TMEM38B: variants seen among roughly 807,000 people sequenced by gnomAD.
The protein encoded by TMEM38B is transmembrane protein 38B.
Under a neutral mutation model 28.7 loss-of-function variants are expected in TMEM38B, and 24 were observed. The ratio of observed to expected loss-of-function variants is 0.84; its 90% CI spans 0.61 to 1.18. TMEM38B has a LOEUF of 1.18. Among genes scored for constraint, TMEM38B ranks in the 50% most tolerant of loss-of-function variants. TMEM38B has a pLI of 0.00. For missense variants in TMEM38B, 380 were observed against 350.9 expected (o/e 1.08, Z -0.66); for synonymous variants, 131 against 127.7 (o/e 1.03, Z -0.17).
At chr9:105,696,456 G>A (rs1253138232) in intron 1 of TMEM38B, among the ~76,000 whole-genome samples, 3 of 152,096 alleles carry the variant, frequency 2.0e-5, no homozygotes, top group Admixed American at 6.5e-5. Context: ...GCTAATTTTT[G>A]TATTTTTAGT....
At chr9:105,754,206 C>T (rs1461442342) in intron 5 of TMEM38B, among the ~76,000 whole-genome samples, 1 of 152,088 alleles carries the variant, frequency 6.6e-6, no homozygotes, top group Non-Finnish European at 1.5e-5. Context: ...CTTTAACACC[C>T]TACTGACAAT....
chr9:105,748,954 G>C, intron 5 of TMEM38B: 1 of 672,254 alleles, frequency 1.5e-6, no homozygotes, highest in Non-Finnish European at 2.2e-6. Context: ...CTCTGTTTTA[G>C]ACTAGATATT....
intron 5 of TMEM38B, among the ~76,000 whole-genome samples, chr9:105,773,010 G>A (rs1826607054): frequency 6.6e-6 from 1 of 152,000 alleles, no homozygotes; most frequent in African/African-American, 2.4e-5. Flanking sequence ...GTTATGTAGG[G>A]GTCTTCTTTG....
At chr9:105,736,005 T>C (rs1836959712) in intron 4 of TMEM38B, among the ~76,000 whole-genome samples, 1 of 152,080 alleles carries the variant, frequency 6.6e-6, no homozygotes, top group Non-Finnish European at 1.5e-5. Context: ...AAATAGCTGG[T>C]ATTTAGAGAT....
At chr9:105,710,365 A>G (rs1380449496) in intron 2 of TMEM38B, 5 of 761,558 alleles carry the variant, frequency 6.6e-6, no homozygotes, top group African/African-American at 1.7e-5. Context: ...ATGATCTTCT[A>G]TAGTTGTTAT....
chr9:105,746,008 G>A (rs1184632864), intron 4 of TMEM38B, among the ~76,000 whole-genome samples: 2 of 152,126 alleles, frequency 1.3e-5, no homozygotes, highest in Non-Finnish European at 2.9e-5. Flanking sequence ...TTGAAGTCAG[G>A]TAGCATGATG....
chr9:105,733,243 A>G (rs1316596988), intron 4 of TMEM38B, among the ~76,000 whole-genome samples: 2 of 152,126 alleles, frequency 1.3e-5, no homozygotes, highest in South Asian at 2.1e-4. Context: ...GTAGCTATCT[A>G]TTAGGTCTGC....
At chr9:105,740,260 GTTTTT>G (rs35669330) in intron 4 of TMEM38B, among the ~76,000 whole-genome samples, 3 of 111,420 alleles carry the variant, frequency 2.7e-5, no homozygotes, top group Non-Finnish European at 3.9e-5. Flanking sequence ...ATTCCTAGGT[GTTTTT>G]TTTTTTTTTT....
chr9:105,723,053 G>A (rs1836379175), intron 4 of TMEM38B, among the ~76,000 whole-genome samples: 1 of 152,060 alleles, frequency 6.6e-6, no homozygotes, highest in African/African-American at 2.4e-5. Context: ...TAAGTTTATG[G>A]GATCAAATCA....
At chr9:105,702,603 A>G (rs1835497695) in intron 1 of TMEM38B, 3 of 152,186 alleles carry the variant, frequency 2.0e-5, no homozygotes, top group Admixed American at 2.0e-4. Flanking sequence ...TGTAGATGTG[A>G]TTTTAAATGT....
intron 5 of TMEM38B, among the ~76,000 whole-genome samples, chr9:105,755,958 T>G (rs1010471812): frequency 6.6e-6 from 1 of 152,170 alleles, no homozygotes; most frequent in Non-Finnish European, 1.5e-5. Context: ...TGGCTGAGCA[T>G]GGTGGATCAT....
intron 4 of TMEM38B, among the ~76,000 whole-genome samples, chr9:105,728,835 A>G (rs759048338): frequency 2.6e-5 from 4 of 152,190 alleles, no homozygotes; most frequent in Non-Finnish European, 5.9e-5. Context: ...ACCAGTGATA[A>G]TGAACATTTT....
chr9:105,747,253 A>C (rs1588449963), intron 4 of TMEM38B, among the ~76,000 whole-genome samples: 3 of 152,180 alleles, frequency 2.0e-5, no homozygotes, highest in Admixed American at 2.0e-4. Context: ...TCAATTTCAG[A>C]GCCTGTTATT....
intron 5 of TMEM38B, among the ~76,000 whole-genome samples, chr9:105,766,034 C>G (rs1370192773): frequency 1.3e-5 from 2 of 152,154 alleles, no homozygotes; most frequent in African/African-American, 4.8e-5. Context: ...ATCTCCTGAC[C>G]TCATGATCCG....
At chr9:105,736,902 G>T (rs564032626) in intron 4 of TMEM38B, among the ~76,000 whole-genome samples, 9 of 152,306 alleles carry the variant, frequency 5.9e-5, no homozygotes, top group African/African-American at 1.9e-4. Flanking sequence ...AGTGGCTTAA[G>T]CTTTTAAGAG....
At chr9:105,758,429 A>G (rs771247550) in intron 5 of TMEM38B, 202 of 1,389,244 alleles carry the variant, frequency 1.5e-4, no homozygotes, top group Non-Finnish European at 1.9e-4. Flanking sequence ...AACACAGACA[A>G]CACTTTAAAA....
At chr9:105,741,600 C>T (rs755523732) in intron 4 of TMEM38B, among the ~76,000 whole-genome samples, 4 of 152,154 alleles carry the variant, frequency 2.6e-5, no homozygotes, top group Non-Finnish European at 2.9e-5. Context: ...CTTAGCTGCA[C>T]AATTGTTTGC....
chr9:105,762,869 C>T (rs928863876), intron 5 of TMEM38B, among the ~76,000 whole-genome samples: 7 of 146,360 alleles, frequency 4.8e-5, no homozygotes, highest in Admixed American at 4.7e-4. Flanking sequence ...TTTACAGTCC[C>T]ACCAACAGTG....
chr9:105,766,221 T>C (rs940063504), intron 5 of TMEM38B, among the ~76,000 whole-genome samples: 4 of 152,250 alleles, frequency 2.6e-5, no homozygotes, highest in Admixed American at 2.0e-4. Flanking sequence ...TCATTTTACA[T>C]TCCCACTAGC....
Sources: allele counts gnomAD v4.1 joint callset (sites outside exome capture counted in the v4.1 genomes callset), GRCh38; gene constraint gnomAD v4.1.1; transcripts MANE v1.5; gene names NCBI Gene and HGNC (gene_info 2026-07-23, HGNC 2026-07-21).